The following GRIN2A variants were observed in gnomAD, a reference collection of about 807,000 sequenced individuals.
The protein encoded by GRIN2A is glutamate ionotropic receptor NMDA type subunit 2A.
In GRIN2A, 22 loss-of-function variants were observed where a neutral mutation model predicts 113.4. The ratio of observed to expected loss-of-function variants is 0.19; its 90% confidence interval spans 0.14 to 0.28. The LOEUF (loss-of-function observed/expected upper bound fraction) is 0.28. GRIN2A is among the 10% of genes least tolerant of loss of function. The pLI, the probability that GRIN2A is intolerant of heterozygous loss-of-function variation, is 1.00. For synonymous variants in GRIN2A, 827 were observed against 738.4 expected (o/e 1.12, Z -1.94); for missense variants, 1,502 against 1,887.0 (o/e 0.80, Z 3.78).
Position 9,938,131 on chromosome 16 carries a change from C to T in GRIN2A, c.835G>A (p.Val279Ile), listed in dbSNP as rs1351708359. 3.7e-6 allele frequency: 6 copies of T among 1,614,114 alleles called. No individual in the cohort carries two copies. The South Asian group carries it at 6.6e-5, about 18-fold the overall frequency. Reference protein sequence around the residue: ...PKEFPSGLISVSYDDWDYSLE... With the variant: ...PKEFPSGLISISYDDWDYSLE... ...CTGTAGTCCCAGTCATCGTAGGAGA[C>T]AGAAATGAGTCCCGATGGAAACTCT... Residue 279 changes from valine (V) to isoleucine (I), a missense_variant, in exon 3 of 13, where the codon GTC (valine) becomes ATC (isoleucine). By Grantham distance (29) the Val-to-Ile change is conservative. Coordinates refer to ENST00000330684, the MANE Select transcript of GRIN2A (RefSeq NM_001134407.3).
chr16:9,894,612 C>G (rs1274433435), intron 3 of GRIN2A, among the ~76,000 whole-genome samples: 3 of 152,270 alleles, frequency 2.0e-5, no homozygotes, highest in East Asian at 3.9e-4. Context: ...TAGTGGAGAA[C>G]TGGAGTCAAA....
intron 2 of GRIN2A, among the ~76,000 whole-genome samples, chr16:10,049,729 T>C (rs1478413423): frequency 6.6e-6 from 1 of 152,168 alleles, no homozygotes. Flanking sequence ...TTTTTTTCCA[T>C]TATACTTAGC....
At chr16:9,985,252 T>C (rs1219895690) in intron 2 of GRIN2A, among the ~76,000 whole-genome samples, 1 of 152,228 alleles carries the variant, frequency 6.6e-6, no homozygotes, top group Non-Finnish European at 1.5e-5. Flanking sequence ...ATTATTTATA[T>C]GTTCATTTTA....
chr16:9,927,709 T>C (rs896669637), intron 3 of GRIN2A, among the ~76,000 whole-genome samples: 1 of 152,222 alleles, frequency 6.6e-6, no homozygotes, highest in Non-Finnish European at 1.5e-5. Flanking sequence ...TAGAGTACTT[T>C]CACGTTTAAA....
At chr16:10,065,247 C>T (rs1316481809) in intron 2 of GRIN2A, among the ~76,000 whole-genome samples, 1 of 152,176 alleles carries the variant, frequency 6.6e-6, no homozygotes, top group Non-Finnish European at 1.5e-5. Context: ...AAATGGTAGC[C>T]TGCTGCCACC....
intron 3 of GRIN2A, among the ~76,000 whole-genome samples, chr16:9,897,126 T>C (rs1359016816): frequency 6.6e-6 from 1 of 151,730 alleles, no homozygotes; most frequent in East Asian, 1.9e-4. Context: ...GACTTCTGTG[T>C]TGTCATCCAC....
intron 2 of GRIN2A, among the ~76,000 whole-genome samples, chr16:10,147,773 T>G: frequency 6.6e-6 from 1 of 152,150 alleles, no homozygotes; most frequent in East Asian, 1.9e-4. Context: ...TGTGACCTCG[T>G]GTCCCTCTGT....
intron 12 of GRIN2A, 30 bp from the exon 13 acceptor site, chr16:9,764,978 G>T (rs561168094): frequency 2.5e-6 from 4 of 1,600,570 alleles, no homozygotes; most frequent in African/African-American, 2.7e-5. Context: ...AGCACTGTCA[G>T]CAGCAGCAGC....
At chr16:9,772,267 A>G (rs569677036) in intron 11 of GRIN2A, among the ~76,000 whole-genome samples, 16 of 152,188 alleles carry the variant, frequency 1.1e-4, no homozygotes, top group Non-Finnish European at 1.8e-4. Context: ...TCTGCCCACC[A>G]TGTACCTCAG....
intron 5 of GRIN2A, 81 bp from the exon 6 acceptor site, chr16:9,841,185 T>G: frequency 8.3e-7 from 1 of 1,210,670 alleles, no homozygotes; most frequent in African/African-American, 1.5e-5. Context: ...CTTCTCCTAT[T>G]TTTCAGATGA....
intron 10 of GRIN2A, among the ~76,000 whole-genome samples, chr16:9,804,714 T>C (rs1281494446): frequency 6.6e-6 from 1 of 152,092 alleles, no homozygotes; most frequent in Non-Finnish European, 1.5e-5. Context: ...CTTCACACCA[T>C]GAGGGCTGGA....
intron 3 of GRIN2A, among the ~76,000 whole-genome samples, chr16:9,891,961 G>A (rs777286273): frequency 2.6e-5 from 4 of 152,148 alleles, no homozygotes; most frequent in Non-Finnish European, 4.4e-5. Context: ...AGGCATGGTG[G>A]CTCACACCTG....
intron 2 of GRIN2A, among the ~76,000 whole-genome samples, chr16:10,118,354 C>A (rs907846594): frequency 6.6e-6 from 1 of 152,136 alleles, no homozygotes; most frequent in Non-Finnish European, 1.5e-5. Context: ...TCACCCCCAC[C>A]CCACCCCACG....
chr16:10,101,285 T>C (rs1358943577), intron 2 of GRIN2A, among the ~76,000 whole-genome samples: 1 of 152,216 alleles, frequency 6.6e-6, no homozygotes, highest in Non-Finnish European at 1.5e-5. Flanking sequence ...AATAAACTTC[T>C]TGTGCCCCTA....
intron 10 of GRIN2A, among the ~76,000 whole-genome samples, chr16:9,801,552 A>C (rs778514804): frequency 6.6e-6 from 1 of 152,268 alleles, no homozygotes; most frequent in Non-Finnish European, 1.5e-5. Context: ...ATGGACAGGC[A>C]TAGACATCTT....
At chr16:9,795,032 CGGTGATGGTGGT>C (rs918553470) in intron 11 of GRIN2A, among the ~76,000 whole-genome samples, 5 of 149,860 alleles carry the variant, frequency 3.3e-5, no homozygotes, top group African/African-American at 1.3e-4. Context: ...ATGATGATGA[CGGTGATGGTGGT>C]GGTGATGATA....
chr16:9,810,035 T>C (rs968749882), intron 10 of GRIN2A, among the ~76,000 whole-genome samples: 7 of 152,118 alleles, frequency 4.6e-5, no homozygotes, highest in Admixed American at 1.3e-4. Context: ...GCCGTTGCAC[T>C]CCAGCCTGGG....
intron 11 of GRIN2A, among the ~76,000 whole-genome samples, chr16:9,774,143 G>A (rs1419347863): frequency 6.6e-6 from 1 of 152,192 alleles, no homozygotes; most frequent in Admixed American, 6.5e-5. Flanking sequence ...CAGACAGGAT[G>A]CAGACAGTGG....
intron 2 of GRIN2A, among the ~76,000 whole-genome samples, chr16:10,054,433 A>C (rs1267352439): frequency 6.6e-6 from 1 of 152,256 alleles, no homozygotes; most frequent in African/African-American, 2.4e-5. Flanking sequence ...GCAACTTTTC[A>C]TTCCTTGCTG....
Sources: allele counts gnomAD v4.1 joint callset (sites outside exome capture counted in the v4.1 genomes callset), GRCh38; gene constraint gnomAD v4.1.1; transcripts MANE v1.5; gene names NCBI Gene and HGNC (gene_info 2026-07-23, HGNC 2026-07-21).